CELF2: variants seen among roughly 807,000 people sequenced by gnomAD.
CELF2 encodes the protein CUGBP Elav-like family member 2.
CELF2 carries 8 observed loss-of-function variants against 62.6 expected under a neutral mutation model. The observed-to-expected ratio is 0.13, with a 90% CI of 0.07 to 0.23. The LOEUF (loss-of-function observed/expected upper bound fraction) is 0.23. Ranked by LOEUF, CELF2 falls within the 10% of genes least tolerant of loss-of-function variation. The pLI, the probability that CELF2 is intolerant of heterozygous loss-of-function variation, is 1.00. For missense variants in CELF2, 333 were observed against 671.0 expected, an observed-to-expected ratio of 0.50 and a Z score of 5.56; for synonymous variants, 258 against 250.0, an observed-to-expected ratio of 1.03 and a Z score of -0.30.
intron 1 of CELF2, among the ~76,000 whole-genome samples, chr10:10,838,741 T>C (rs943530196): frequency 6.6e-6 from 1 of 152,176 alleles, no homozygotes; most frequent in African/African-American, 2.4e-5. Context: ...TTTGTTATAT[T>C]TTGAGTACTT....
chr10:10,816,491 G>A (rs985581186), intron 1 of CELF2, among the ~76,000 whole-genome samples: 3 of 152,158 alleles, frequency 2.0e-5, no homozygotes, highest in African/African-American at 4.8e-5. Context: ...GACACTCTCT[G>A]TGTCCCTTTT....
rs1229874969 is a variant in CELF2 at position 11,314,724 on chromosome 10, C to T, written c.1096+466C>T. 1 of 223,708 alleles carries T rather than the reference C, an allele frequency of 4.5e-6. No individual in the cohort carries two copies. The highest frequency in any genetic ancestry group is 9.0e-6 in the Non-Finnish European group (1 of 111,160). 13.9% of individuals were successfully genotyped at this position (223,708 alleles called of 1,614,324 possible). On this transcript the variant is annotated intron_variant, in intron 10 of 12. Coordinates refer to ENST00000633077, the MANE Select transcript of CELF2 (RefSeq NM_001326342.2). The surrounding 1 kb of genome is among the most constrained non-coding windows in gnomAD (Gnocchi z 5.3). Reference sequence around the variant, plus strand: ...AGTCTCCATTTGAGAATGGAAAGTTCTGGGTCAGATGATTCTTAAAGGTAG... The same window carrying T: ...AGTCTCCATTTGAGAATGGAAAGTTTTGGGTCAGATGATTCTTAAAGGTAG...
intron 2 of CELF2, among the ~76,000 whole-genome samples, chr10:10,996,846 G>A (rs951368228): frequency 2.0e-5 from 3 of 152,012 alleles, no homozygotes; most frequent in Admixed American, 1.3e-4. Flanking sequence ...CCCCTGGGAG[G>A]TGCTGCCCAC....
intron 1 of CELF2, among the ~76,000 whole-genome samples, chr10:11,112,307 A>G (rs2055380201): frequency 6.6e-6 from 1 of 152,256 alleles, no homozygotes; most frequent in Admixed American, 6.5e-5. Context: ...AGAAAGCACC[A>G]TCAAGATCGC....
intron 2 of CELF2, among the ~76,000 whole-genome samples, chr10:11,197,356 A>T (rs1462939837): frequency 6.6e-6 from 1 of 152,204 alleles, no homozygotes; most frequent in Non-Finnish European, 1.5e-5. Flanking sequence ...TCATATGGGT[A>T]AAAAAGGTTT....
the CELF2 span, among the ~76,000 whole-genome samples, chr10:10,616,295 G>GT: frequency 1.4e-5 from 2 of 143,866 alleles, no homozygotes; most frequent in African/African-American, 2.6e-5. Flanking sequence ...TTTTGTTTGG[G>GT]GTGTGTGTGT....
the CELF2 span, among the ~76,000 whole-genome samples, chr10:10,596,885 G>A: frequency 1.3e-5 from 2 of 152,306 alleles, no homozygotes; most frequent in Admixed American, 6.5e-5. Flanking sequence ...GATTCTTCCT[G>A]TACTAACTCC....
chr10:11,278,824 G>T (rs1465769637), intron 8 of CELF2, among the ~76,000 whole-genome samples: 1 of 152,216 alleles, frequency 6.6e-6, no homozygotes, highest in Non-Finnish European at 1.5e-5. Context: ...ACCTGATGAA[G>T]TAGGGACTCT....
At chr10:11,017,543 C>T (rs571272241), upstream of CELF2, among the ~76,000 whole-genome samples, 1 of 152,338 alleles carries the variant, frequency 6.6e-6, no homozygotes, top group African/African-American at 2.4e-5. The surrounding 1 kb of genome is among the most constrained non-coding windows in gnomAD (Gnocchi z 5.5). Flanking sequence ...GAAGCGAACC[C>T]TCGGGCTGCT....
At chr10:11,257,697 G>A in intron 4 of CELF2, 41 bp from the exon 5 acceptor site, 1 of 1,603,228 alleles carries the variant, frequency 6.2e-7, no homozygotes, top group Non-Finnish European at 8.5e-7. Context: ...AAGAAAAAAA[G>A]ATGAAATGGC....
At chr10:10,887,676 T>C (rs2061849344) in intron 1 of CELF2, among the ~76,000 whole-genome samples, 1 of 152,208 alleles carries the variant, frequency 6.6e-6, no homozygotes, top group South Asian at 2.1e-4. Context: ...AATTCATACA[T>C]CAAAGCTTCT....
chr10:11,002,094 A>G (rs1404582025), upstream of CELF2, among the ~76,000 whole-genome samples: 1 of 152,218 alleles, frequency 6.6e-6, no homozygotes, highest in East Asian at 1.9e-4. This position sits in a 1 kb window ranked among gnomAD's most constrained non-coding sequence, Gnocchi z 4.4. Context: ...AAGAGGTTTA[A>G]TGGACTCACA....
At chr10:10,731,732 A>T in the CELF2 span, among the ~76,000 whole-genome samples, 1 of 152,200 alleles carries the variant, frequency 6.6e-6, no homozygotes, top group Non-Finnish European at 1.5e-5. Flanking sequence ...TATCCATACA[A>T]CCTTCAACAC....
chr10:11,308,009 C>T (rs1295410023), intron 9 of CELF2, among the ~76,000 whole-genome samples: 1 of 152,160 alleles, frequency 6.6e-6, no homozygotes, highest in African/African-American at 2.4e-5. Context: ...GAGCAACAGC[C>T]TGTCTTGTGT....
chr10:10,517,265 G>A, the CELF2 span, among the ~76,000 whole-genome samples: 1 of 152,096 alleles, frequency 6.6e-6, no homozygotes, highest in Non-Finnish European at 1.5e-5. Flanking sequence ...AGGCTGAGGG[G>A]GAACTGGCCT....
At chr10:10,725,687 C>T in the CELF2 span, among the ~76,000 whole-genome samples, 1 of 152,138 alleles carries the variant, frequency 6.6e-6, no homozygotes, top group Admixed American at 6.5e-5. Context: ...GCTCTGTGAG[C>T]AGCATTTTCT....
At chr10:10,602,875 A>G in the CELF2 span, among the ~76,000 whole-genome samples, 1 of 152,138 alleles carries the variant, frequency 6.6e-6, no homozygotes, top group Non-Finnish European at 1.5e-5. Context: ...TCGGTAAATC[A>G]TGGGTGTATA....
In CELF2 at chr10:11,332,186, C is replaced by T. The variant is rs559505778; in HGVS notation, c.*3133C>T. ...AAACGGAGGTAGATTCAGCACCTAA[C>T]AATCCTGTATGCTTTTGAGATCACG... On this transcript the variant is annotated 3_prime_UTR_variant, in exon 13 of 13. Transcript: ENST00000633077. The T allele has an allele frequency of 6.6e-6, 1 of 152,318 alleles. No homozygotes were observed. The highest frequency in any genetic ancestry group is 2.1e-4 in the South Asian group (1 of 4,828). The allele number at this position is 152,318 out of a possible 1,614,324, so 9.4% of individuals were successfully genotyped here.
At chr10:10,952,933 T>C (rs2048481618) in intron 2 of CELF2, among the ~76,000 whole-genome samples, 1 of 152,214 alleles carries the variant, frequency 6.6e-6, no homozygotes, top group Non-Finnish European at 1.5e-5. Context: ...TTTAAAGGGC[T>C]CAGGTTTGCT....
Sources: allele counts gnomAD v4.1 joint callset (sites outside exome capture counted in the v4.1 genomes callset), GRCh38; gene constraint gnomAD v4.1.1; non-coding constraint Gnocchi (gnomAD v3.1); transcripts MANE v1.5; gene names NCBI Gene and HGNC (gene_info 2026-07-23, HGNC 2026-07-21).